The following PACRG variants were observed in gnomAD, a reference collection of about 807,000 sequenced individuals.
PACRG encodes the protein parkin coregulated.
In PACRG, 29 loss-of-function variants were observed where a neutral mutation model predicts 29.7. The observed-to-expected ratio is 0.98, with a 90% CI of 0.73 to 1.33. The LOEUF is 1.33. Among genes scored for constraint, PACRG ranks in the 40% most tolerant of loss-of-function variants. The probability of loss-of-function intolerance (pLI) is 0.00; values close to 1 mark genes in which losing one functional copy is unlikely to be tolerated. For missense variants in PACRG, 279 were observed against 316.2 expected (o/e 0.88, Z 0.89); for synonymous variants, 116 against 118.7 (o/e 0.98, Z 0.15).
intron 2 of PACRG, among the ~76,000 whole-genome samples, chr6:162,925,414 A>G (rs1420050125): frequency 6.6e-6 from 1 of 152,202 alleles, no homozygotes; most frequent in Non-Finnish European, 1.5e-5. Context: ...AAAAATCTTC[A>G]ATAAAATACT....
intron 2 of PACRG, among the ~76,000 whole-genome samples, chr6:162,883,615 A>G (rs1370626914): frequency 6.6e-6 from 1 of 152,136 alleles, no homozygotes; most frequent in Non-Finnish European, 1.5e-5. Context: ...CAAGTCCAGT[A>G]CATATGATTT....
chr6:162,987,399 G>T (rs1401498176), intron 2 of PACRG, among the ~76,000 whole-genome samples: 1 of 152,238 alleles, frequency 6.6e-6, no homozygotes, highest in East Asian at 1.9e-4. Flanking sequence ...GTTTGGCTAT[G>T]TCCCCACCCA....
intron 2 of PACRG, among the ~76,000 whole-genome samples, chr6:162,873,021 G>A (rs1792960000): frequency 6.6e-6 from 1 of 152,176 alleles, no homozygotes; most frequent in Admixed American, 6.5e-5. Flanking sequence ...CCAGTTTAAT[G>A]TGTAATACAG....
chr6:163,081,730 A>G (rs555632266), intron 3 of PACRG, among the ~76,000 whole-genome samples: 29 of 152,294 alleles, frequency 1.9e-4, no homozygotes, highest in African/African-American at 5.3e-4. Context: ...CACTCCAGCT[A>G]GGGTGACAGA....
At chr6:163,222,565 G>A (rs967364301) in intron 4 of PACRG, among the ~76,000 whole-genome samples, 2 of 152,312 alleles carry the variant, frequency 1.3e-5, no homozygotes, top group South Asian at 2.1e-4. Flanking sequence ...GGGTGAGAGT[G>A]AGACCTTGTC....
At chr6:162,929,833 A>G (rs1797719498) in intron 2 of PACRG, among the ~76,000 whole-genome samples, 1 of 151,866 alleles carries the variant, frequency 6.6e-6, no homozygotes, top group African/African-American at 2.4e-5. Context: ...TATTAAAGAG[A>G]GTGTTCTTTT....
chr6:162,777,192 A>T lies in PACRG; in HGVS notation c.157-36955A>T, dbSNP rs1458018839. On this transcript the variant is annotated intron_variant, in intron 1 of 4. Coordinates refer to ENST00000366888, the MANE Select transcript of PACRG (RefSeq NM_001080379.2). The surrounding 1 kb of genome is among the most constrained non-coding windows in gnomAD (Gnocchi z 4.0). ...CTGATCTCTCTTCAGGGGCCTCTTCAAAAGTTCAGTATCAGACTCACTTGG... is the reference window on the plus strand; with the variant it reads ...CTGATCTCTCTTCAGGGGCCTCTTCTAAAGTTCAGTATCAGACTCACTTGG... 6.6e-6 allele frequency among the ~76,000 whole-genome samples: 1 copy of T among 152,226 alleles called. No individual in the cohort carries two copies. Among genetic ancestry groups the T allele is most frequent in the Non-Finnish European group, 1.5e-5 (1 of 68,034 alleles).
At chr6:163,024,012 A>G (rs947452408) in intron 2 of PACRG, among the ~76,000 whole-genome samples, 1 of 152,038 alleles carries the variant, frequency 6.6e-6, no homozygotes, top group Non-Finnish European at 1.5e-5. Context: ...CTCCCATTCT[A>G]TAGTTTGCTT....
chr6:162,894,273 T>C (rs1794997104), intron 2 of PACRG, among the ~76,000 whole-genome samples: 1 of 152,238 alleles, frequency 6.6e-6, no homozygotes, highest in African/African-American at 2.4e-5. Context: ...ATTTCTTGAT[T>C]ATACGACTTG....
At chr6:163,134,828 C>T (rs148982475) in intron 4 of PACRG, among the ~76,000 whole-genome samples, 1 of 152,254 alleles carries the variant, frequency 6.6e-6, no homozygotes, top group Admixed American at 6.5e-5. Flanking sequence ...TCCCTGTGTA[C>T]CTACCAATCA....
At chr6:162,911,225 G>A (rs960186909) in intron 2 of PACRG, among the ~76,000 whole-genome samples, 4 of 152,166 alleles carry the variant, frequency 2.6e-5, no homozygotes, top group African/African-American at 7.2e-5. Context: ...GCATTATAAT[G>A]TGATCAAGCA....
At chr6:163,307,264 TATG>T (rs532442291) in intron 4 of PACRG, among the ~76,000 whole-genome samples, 69 of 152,306 alleles carry the variant, frequency 4.5e-4, no homozygotes, top group Non-Finnish European at 8.5e-4. Flanking sequence ...CTTTTGGAAA[TATG>T]ATGGCTTAGT....
intron 2 of PACRG, among the ~76,000 whole-genome samples, chr6:162,842,159 T>C (rs879410210): frequency 7.2e-4 from 108 of 150,528 alleles, no homozygotes; most frequent in Admixed American, 1.6e-3. Context: ...CTTGTTGACT[T>C]TCTATCTCGT....
intron 2 of PACRG, among the ~76,000 whole-genome samples, chr6:162,974,912 G>A (rs1801821988): frequency 6.6e-6 from 1 of 152,158 alleles, no homozygotes; most frequent in African/African-American, 2.4e-5. Flanking sequence ...TTAGGGCTCA[G>A]TAGCAATGGC....
intron 2 of PACRG, among the ~76,000 whole-genome samples, chr6:162,844,663 T>G (rs962768279): frequency 2.0e-5 from 3 of 152,244 alleles, no homozygotes; most frequent in Non-Finnish European, 4.4e-5. Context: ...GTGACCTGGG[T>G]GAATCTTCAA....
intron 2 of PACRG, among the ~76,000 whole-genome samples, chr6:163,049,342 A>G (rs539880065): frequency 2.0e-5 from 3 of 152,258 alleles, no homozygotes; most frequent in African/African-American, 7.2e-5. Flanking sequence ...AGGAAAAGTT[A>G]CAAATAGACT....
intron 4 of PACRG, among the ~76,000 whole-genome samples, chr6:163,199,364 C>T (rs1348955600): frequency 1.3e-5 from 2 of 152,206 alleles, no homozygotes; most frequent in African/African-American, 4.8e-5. Context: ...TCAGCTAGGA[C>T]AGAGGCTCCT....
intron 4 of PACRG, among the ~76,000 whole-genome samples, chr6:163,117,810 T>C (rs560185371): frequency 1.3e-5 from 2 of 151,992 alleles, no homozygotes; most frequent in African/African-American, 4.8e-5. Flanking sequence ...ATGTGGAGAT[T>C]AGATAATCAA....
intron 4 of PACRG, among the ~76,000 whole-genome samples, chr6:163,102,746 G>A (rs570390669): frequency 1.3e-5 from 2 of 152,176 alleles, no homozygotes; most frequent in African/African-American, 4.8e-5. Flanking sequence ...ATGACATATG[G>A]TCAGGGAGGA....
Sources: gnomAD v4.1 joint callset for allele counts (sites outside exome capture counted in the v4.1 genomes callset) on GRCh38, gnomAD v4.1.1 for gene constraint, Gnocchi (gnomAD v3.1) non-coding constraint, MANE v1.5 for transcripts, NCBI Gene and HGNC (gene_info 2026-07-23, HGNC 2026-07-21) for gene names.